Variants in GNG2 observed in about 807,000 individuals in gnomAD.
The protein encoded by GNG2 is guanine nucleotide-binding protein G(I)/G(S)/G(O) subunit gamma-2.
Under a neutral mutation model 5.5 loss-of-function variants are expected in GNG2, and 5 were observed. The ratio of observed to expected loss-of-function variants is 0.91; its 90% CI spans 0.48 to 1.92. GNG2 has a LOEUF of 1.92. GNG2 is among the 30% of genes most tolerant of loss of function. GNG2 has a pLI of 0.01. For synonymous variants in GNG2, 28 were observed against 32.0 expected, an observed-to-expected ratio of 0.88 and a Z score of 0.42; for missense variants, 55 against 88.4, an observed-to-expected ratio of 0.62 and a Z score of 1.52.
intron 1 of GNG2, among the ~76,000 whole-genome samples, chr14:51,872,908 G>A (rs1298555032): frequency 6.6e-6 from 1 of 152,112 alleles, no homozygotes; most frequent in African/African-American, 2.4e-5. Flanking sequence ...TTTACATGTG[G>A]TCATGTACCC....
At chr14:51,834,097 A>G (rs967487854) in intron 2 of GNG2, among the ~76,000 whole-genome samples, 1 of 152,248 alleles carries the variant, frequency 6.6e-6, no homozygotes. Context: ...GATTGGTGGG[A>G]TGTTGCCTTC....
chr14:51,952,888 A>G (rs1889071267), intron 3 of GNG2, among the ~76,000 whole-genome samples: 1 of 152,200 alleles, frequency 6.6e-6, no homozygotes, highest in Admixed American at 6.5e-5. Context: ...TCTTTATTGA[A>G]AATCAGCTCA....
intron 2 of GNG2, among the ~76,000 whole-genome samples, chr14:51,922,042 G>T (rs1257709961): frequency 6.6e-6 from 1 of 152,062 alleles, no homozygotes; most frequent in Non-Finnish European, 1.5e-5. Context: ...TATTATAAGT[G>T]GTTATTAAAT....
intron 3 of GNG2, 141 bp from the exon 4 acceptor site, chr14:51,966,416 GAT>G (rs2140311757): frequency 1.4e-6 from 1 of 709,878 alleles, no homozygotes; most frequent in East Asian, 2.6e-5. Flanking sequence ...CTTCTTTGCA[GAT>G]GAGGAAGCAG....
At chr14:51,907,397 C>G (rs1886000574) in intron 2 of GNG2, among the ~76,000 whole-genome samples, 1 of 152,210 alleles carries the variant, frequency 6.6e-6, no homozygotes, top group South Asian at 2.1e-4. Flanking sequence ...AATTAAGGGT[C>G]TTAAGTAGAA....
intron 1 of GNG2, among the ~76,000 whole-genome samples, chr14:51,870,288 C>G (rs1175356804): frequency 1.3e-5 from 2 of 151,720 alleles, no homozygotes; most frequent in Non-Finnish European, 2.9e-5. Context: ...TAGCAATGAT[C>G]TAGGTAGGCC....
At chr14:51,898,852 T>C (rs911035360) in intron 2 of GNG2, among the ~76,000 whole-genome samples, 4 of 152,182 alleles carry the variant, frequency 2.6e-5, no homozygotes, top group African/African-American at 9.7e-5. Context: ...GTGCTCCTAC[T>C]GCAATACCAT....
At chr14:51,962,492 A>G (rs1168364730) in intron 3 of GNG2, among the ~76,000 whole-genome samples, 1 of 152,104 alleles carries the variant, frequency 6.6e-6, no homozygotes. Context: ...AAAGATGTAA[A>G]TTTTTTGTAT....
intron 1 of GNG2, chr14:51,874,048 C>T (rs1883482098): frequency 6.6e-6 from 1 of 152,122 alleles, no homozygotes; most frequent in Admixed American, 6.5e-5. Flanking sequence ...CAGTATGATT[C>T]CATGTGAAGA....
At chr14:51,891,711 G>C (rs897259343) in intron 2 of GNG2, among the ~76,000 whole-genome samples, 1 of 152,132 alleles carries the variant, frequency 6.6e-6, no homozygotes, top group African/African-American at 2.4e-5. Flanking sequence ...ATTATGTTTT[G>C]AGATTCATCC....
chr14:51,930,873 C>A (rs1320614815), intron 2 of GNG2, among the ~76,000 whole-genome samples: 3 of 152,064 alleles, frequency 2.0e-5, no homozygotes, highest in Non-Finnish European at 2.9e-5. Context: ...AGAGAGGAGG[C>A]CCCACACTCT....
intron 2 of GNG2, among the ~76,000 whole-genome samples, chr14:51,892,421 C>T (rs976433798): frequency 1.3e-5 from 2 of 151,926 alleles, no homozygotes; most frequent in African/African-American, 2.4e-5. Context: ...AAGCGGTTCT[C>T]CTGCCTCTGC....
At chr14:51,868,694 A>T (rs150227405) in intron 1 of GNG2, among the ~76,000 whole-genome samples, 102 of 152,314 alleles carry the variant, frequency 6.7e-4, no homozygotes, top group African/African-American at 2.3e-3. Context: ...ATTTCAGAGG[A>T]AATGTGTCCT....
At chr14:51,904,286 CA>C (rs1566676348) in intron 2 of GNG2, among the ~76,000 whole-genome samples, 1 of 152,178 alleles carries the variant, frequency 6.6e-6, no homozygotes, top group African/African-American at 2.4e-5. Flanking sequence ...TACCAGCTTC[CA>C]GTTCAGGGTC....
intron 2 of GNG2, among the ~76,000 whole-genome samples, chr14:51,936,626 T>C (rs986857476): frequency 4.6e-5 from 7 of 151,938 alleles, no homozygotes; most frequent in Admixed American, 3.9e-4. Context: ...TCACAGCTCA[T>C]TGCAGCCTCA....
intron 3 of GNG2, among the ~76,000 whole-genome samples, chr14:51,963,642 A>G (rs1377635279): frequency 6.6e-6 from 1 of 152,202 alleles, no homozygotes; most frequent in Non-Finnish European, 1.5e-5. Context: ...AACAAAGCCC[A>G]CATTTGAGTA....
chr14:51,936,227 T>C (rs1469155921), intron 2 of GNG2, among the ~76,000 whole-genome samples: 1 of 152,198 alleles, frequency 6.6e-6, no homozygotes, highest in East Asian at 1.9e-4. Context: ...GGATAGATGG[T>C]TCTGCAAGAT....
intron 1 of GNG2, among the ~76,000 whole-genome samples, chr14:51,872,310 TTGTGTGTGTG>T (rs35147124): frequency 6.7e-6 from 1 of 149,876 alleles, no homozygotes; most frequent in Non-Finnish European, 1.5e-5. Flanking sequence ...AATGACTATT[TTGTGTGTGTG>T]TGTGTGTGTG....
At chr14:51,837,378 C>T (rs1881360370) in intron 2 of GNG2, among the ~76,000 whole-genome samples, 2 of 152,038 alleles carry the variant, frequency 1.3e-5, no homozygotes, top group Non-Finnish European at 2.9e-5. Context: ...GGGGTGGTGG[C>T]TCATGCCTGT....
Sources: allele counts gnomAD v4.1 joint callset (sites outside exome capture counted in the v4.1 genomes callset), GRCh38; gene constraint gnomAD v4.1.1; transcripts MANE v1.5; gene names NCBI Gene and HGNC (gene_info 2026-07-23, HGNC 2026-07-21).